GYPC: variants seen among roughly 807,000 people sequenced by gnomAD.
GYPC encodes glycophorin C (Gerbich blood group), also known as glycophorin-C.
In GYPC, 14 loss-of-function variants were observed where a neutral mutation model predicts 12.6. That is an observed-to-expected ratio of 1.11 (90% CI 0.74 to 1.74). The LOEUF is 1.74. Among genes scored for constraint, GYPC ranks in the 40% most tolerant of loss-of-function variants. GYPC has a pLI of 0.00. For synonymous variants in GYPC, 78 were observed against 62.1 expected, an observed-to-expected ratio of 1.26 and a Z score of -1.20; for missense variants, 225 against 172.1, an observed-to-expected ratio of 1.31 and a Z score of -1.72.
intron 1 of GYPC, among the ~76,000 whole-genome samples, chr2:126,662,819 G>A (rs562863341): frequency 3.3e-5 from 5 of 152,202 alleles, no homozygotes; most frequent in African/African-American, 1.2e-4. Context: ...TCATAATTGT[G>A]CTTAATTGCT....
intron 1 of GYPC, among the ~76,000 whole-genome samples, chr2:126,684,187 A>G (rs771477898): frequency 2.0e-5 from 3 of 152,218 alleles, no homozygotes; most frequent in Non-Finnish European, 4.4e-5. Flanking sequence ...CTTCAGGGCA[A>G]TCATTTTGAC....
At chr2:126,670,203 C>T (rs1009012722) in intron 1 of GYPC, among the ~76,000 whole-genome samples, 10 of 152,212 alleles carry the variant, frequency 6.6e-5, no homozygotes, top group African/African-American at 2.4e-4. Context: ...TGCAGCACGC[C>T]ACTGCCCAGA....
chr2:126,669,761 C>G (rs1361456868), intron 1 of GYPC, among the ~76,000 whole-genome samples: 1 of 152,128 alleles, frequency 6.6e-6, no homozygotes, highest in African/African-American at 2.4e-5. Flanking sequence ...CTTCGAAGTT[C>G]CGATGAGCTA....
At chr2:126,693,755 C>T in intron 2 of GYPC, 109 bp from the exon 3 acceptor site, 1 of 799,916 alleles carries the variant, frequency 1.3e-6, no homozygotes, top group Non-Finnish European at 2.3e-6. Flanking sequence ...CACTTGGACC[C>T]ATTCTCAGAG....
intron 1 of GYPC, chr2:126,675,746 G>C (rs1030324716): frequency 1.1e-6 from 1 of 918,466 alleles, no homozygotes; most frequent in Non-Finnish European, 1.3e-6. Context: ...CCTCACCCAA[G>C]CAGGTGAGTA....
chr2:126,680,234 T>C (rs962109093), intron 1 of GYPC: 1 of 152,142 alleles, frequency 6.6e-6, no homozygotes, highest in Non-Finnish European at 1.5e-5. Context: ...AAGCCAATGA[T>C]GTGAATAAGG....
intron 1 of GYPC, among the ~76,000 whole-genome samples, chr2:126,663,612 A>C (rs1183614004): frequency 1.3e-5 from 2 of 152,200 alleles, no homozygotes; most frequent in Non-Finnish European, 2.9e-5. Context: ...GAATGAGTGA[A>C]TGAGTCAGCA....
At chr2:126,686,785 T>C (rs1419045979) in intron 1 of GYPC, 2 of 805,110 alleles carry the variant, frequency 2.5e-6, no homozygotes, top group Non-Finnish European at 1.5e-6. Flanking sequence ...TGTCTATTTC[T>C]GATACCAGAC....
chr2:126,693,958 A>C lies in GYPC; in HGVS notation c.190+11A>C. ...TTGTCGTCATTGCAGGTGAGCTCTC[A>C]TCACAGAGCCCTTCAAGCAGCCAGG... On this transcript the variant is annotated intron_variant, in intron 3 of 3. Coordinates refer to ENST00000259254, the MANE Select transcript of GYPC (RefSeq NM_002101.5). 1 of 1,570,662 alleles carries C rather than the reference A, an allele frequency of 6.4e-7. No homozygotes were observed. The highest frequency in any genetic ancestry group is 1.1e-5 in the South Asian group (1 of 90,244).
At chr2:126,675,766 A>G (rs1013084147) in intron 1 of GYPC, 3 of 696,278 alleles carry the variant, frequency 4.3e-6, no homozygotes, top group Non-Finnish European at 5.3e-6. Flanking sequence ...AATAAAATTT[A>G]TTAGTGATAT....
chr2:126,664,807 G>T (rs949754306), intron 1 of GYPC, among the ~76,000 whole-genome samples: 2 of 152,148 alleles, frequency 1.3e-5, no homozygotes, highest in Non-Finnish European at 2.9e-5. Flanking sequence ...TGGCAGTCCT[G>T]GTTCCTTAGC....
At chr2:126,681,878 C>A (rs1184651572) in intron 1 of GYPC, among the ~76,000 whole-genome samples, 2 of 152,198 alleles carry the variant, frequency 1.3e-5, no homozygotes, top group Non-Finnish European at 2.9e-5. Flanking sequence ...CACTGAGGGG[C>A]CACTCCCTCA....
At chr2:126,664,951 T>TTCTC (rs143811361) in intron 1 of GYPC, among the ~76,000 whole-genome samples, 53,658 of 148,564 alleles carry the variant, frequency 0.36, 9,870 homozygotes, top group East Asian at 0.52. Context: ...CTTGCTGTCT[T>TTCTC]TCTCTCTCTC....
At chr2:126,684,466 A>G (rs576125766) in intron 1 of GYPC, among the ~76,000 whole-genome samples, 1 of 152,202 alleles carries the variant, frequency 6.6e-6, no homozygotes, top group East Asian at 1.9e-4. Context: ...CCCTTCATGT[A>G]TCCCTCCCAC....
At chr2:126,674,755 C>T (rs940556161) in intron 1 of GYPC, among the ~76,000 whole-genome samples, 1 of 152,142 alleles carries the variant, frequency 6.6e-6, no homozygotes, top group Non-Finnish European at 1.5e-5. Flanking sequence ...TTCCTGGGAG[C>T]TCTGGCTGGA....
chr2:126,658,902 C>G (rs996411563), intron 1 of GYPC: 1 of 152,182 alleles, frequency 6.6e-6, no homozygotes, highest in Admixed American at 6.5e-5. Context: ...AAACCACACA[C>G]AGCAGTCCTG....
intron 1 of GYPC, among the ~76,000 whole-genome samples, chr2:126,673,433 G>C (rs554947765): frequency 6.6e-6 from 1 of 152,154 alleles, no homozygotes; most frequent in African/African-American, 2.4e-5. Flanking sequence ...TGAGCCCTCC[G>C]TGTGCCAGTC....
chr2:126,690,120 C>G (rs1683412079), intron 1 of GYPC, 135 bp from the exon 2 acceptor site: 5 of 747,704 alleles, frequency 6.7e-6, no homozygotes, highest in Non-Finnish European at 1.2e-5. Flanking sequence ...GGTGGGTGCA[C>G]CACACTGTCT....
At chr2:126,679,918 A>T (rs2104792345) in intron 1 of GYPC, 1 of 152,322 alleles carries the variant, frequency 6.6e-6, no homozygotes, top group Admixed American at 6.5e-5. Context: ...CTTAATGGTG[A>T]TATGAACAGG....
Sources: allele counts gnomAD v4.1 joint callset (sites outside exome capture counted in the v4.1 genomes callset), GRCh38; gene constraint gnomAD v4.1.1; transcripts MANE v1.5; gene names NCBI Gene and HGNC (gene_info 2026-07-23, HGNC 2026-07-21).